SPAG16: variants seen among roughly 807,000 people sequenced by gnomAD.
The protein encoded by SPAG16 is sperm-associated antigen 16 protein.
In SPAG16, 86 loss-of-function variants were observed where a neutral mutation model predicts 80.4. The ratio of observed to expected loss-of-function variants is 1.07; its 90% CI spans 0.90 to 1.28. The LOEUF (loss-of-function observed/expected upper bound fraction) is 1.28. Ranked by LOEUF, SPAG16 falls within the 50% of genes most tolerant of loss-of-function variation. The probability of loss-of-function intolerance (pLI) is 0.00; values close to 1 mark genes in which losing one functional copy is unlikely to be tolerated. For missense variants in SPAG16, 870 were observed against 765.3 expected, an observed-to-expected ratio of 1.14 and a Z score of -1.61; for synonymous variants, 294 against 265.9, an observed-to-expected ratio of 1.11 and a Z score of -1.03.
At chr2:213,855,022 G>A (rs187069926) in intron 10 of SPAG16, among the ~76,000 whole-genome samples, 20 of 152,314 alleles carry the variant, frequency 1.3e-4, no homozygotes, top group Admixed American at 1.0e-3. Flanking sequence ...TTACTCTCTG[G>A]TCCTTTTCAG....
At chr2:214,285,566 T>C (rs6435821) in intron 15 of SPAG16, among the ~76,000 whole-genome samples, 64,075 of 151,996 alleles carry the variant, frequency 0.42, 15,567 homozygotes, top group South Asian at 0.58. Context: ...CCTAGCACAT[T>C]GGGAGGCCGA....
At chr2:213,706,766 C>T (rs1002176882) in intron 10 of SPAG16, among the ~76,000 whole-genome samples, 1 of 152,154 alleles carries the variant, frequency 6.6e-6, no homozygotes, top group African/African-American at 2.4e-5. Flanking sequence ...GGGTCCACAA[C>T]TCCAGAGTGG....
At position 214,021,761 on chromosome 2, in the gene SPAG16, G is replaced by T. The variant is rs538826188; in HGVS notation, c.1527+7684G>T. 3.8e-4 allele frequency among the ~76,000 whole-genome samples: 58 copies of T among 152,122 alleles called. No homozygotes were observed. The East Asian group carries it at 4.4e-3, about 12-fold the overall frequency. ...TGTTACACCTTGCTTTGAACACCTT[G>T]GTTCAAAGACCTTCATGTTGCACAA... On this transcript the variant is annotated intron_variant, in intron 13 of 15. Coordinates refer to ENST00000331683, the MANE Select transcript of SPAG16 (RefSeq NM_024532.5).
chr2:214,104,080 C>T (rs1343052254), intron 13 of SPAG16, among the ~76,000 whole-genome samples: 1 of 152,120 alleles, frequency 6.6e-6, no homozygotes. Flanking sequence ...GAAAGAATGC[C>T]TCAGGGTGAG....
rs374274176 is a variant in SPAG16, at chr2:213,980,725, T to TATAGAGAGAGAG, written c.1401-33225_1401-33224insTAGAGAGAGAGA. Among the ~76,000 whole-genome samples the TATAGAGAGAGAG allele has an allele frequency of 5.3e-4, 55 of 103,988 alleles. 1 individual carries two copies. The highest frequency in any genetic ancestry group is 4.5e-3 in the South Asian group (12 of 2,686). The allele number at this position is 103,988 out of a possible 152,430, so 68.2% of individuals were successfully genotyped here. A position where few individuals can be genotyped will look rare whatever the true frequency, so the allele number is the denominator to read the frequency against. On this transcript the variant is annotated intron_variant, in intron 12 of 15. Transcript: ENST00000331683. ...GTGTGTGTGTGTGTATATATATATA[T>TATAGAGAGAGAG]AGAGAGAGAGAGAGAGAGAGAGAGA...
intron 15 of SPAG16, among the ~76,000 whole-genome samples, chr2:214,404,248 AAG>A (rs1469076210): frequency 6.6e-6 from 1 of 152,220 alleles, no homozygotes; most frequent in Non-Finnish European, 1.5e-5. Flanking sequence ...AATAGTAAAA[AAG>A]AGCACTGATT....
intron 10 of SPAG16, among the ~76,000 whole-genome samples, chr2:213,743,113 G>A (rs751770555): frequency 9.0e-6 from 1 of 111,340 alleles, no homozygotes; most frequent in Non-Finnish European, 2.2e-5. Context: ...CTGTGTTAGC[G>A]AGGATGGTCT....
chr2:214,019,409 G>T (rs182622977), intron 13 of SPAG16, among the ~76,000 whole-genome samples: 19 of 152,218 alleles, frequency 1.2e-4, no homozygotes, highest in Admixed American at 8.5e-4. Flanking sequence ...TTTGTCTCTT[G>T]CCATGAGTCA....
chr2:213,388,537 T>A (rs2067570331), intron 9 of SPAG16, among the ~76,000 whole-genome samples: 1 of 152,144 alleles, frequency 6.6e-6, no homozygotes, highest in Admixed American at 6.5e-5. Flanking sequence ...AGGTTACTGA[T>A]CCTTGACCAG....
chr2:213,781,695 G>C (rs1575120398), intron 10 of SPAG16, among the ~76,000 whole-genome samples: 1 of 152,106 alleles, frequency 6.6e-6, no homozygotes, highest in African/African-American at 2.4e-5. Context: ...TGTGCACTGG[G>C]TAAATTTTCT....
chr2:213,652,999 C>T (rs888123554), intron 10 of SPAG16, among the ~76,000 whole-genome samples: 1 of 152,074 alleles, frequency 6.6e-6, no homozygotes, highest in Non-Finnish European at 1.5e-5. Context: ...ATCTGTTATA[C>T]CTGGGCCATC....
chr2:213,789,596 C>A (rs1161892093), intron 10 of SPAG16, among the ~76,000 whole-genome samples: 1 of 151,886 alleles, frequency 6.6e-6, no homozygotes, highest in Non-Finnish European at 1.5e-5. Context: ...ACCATTCCAG[C>A]ACAACATTCA....
At chr2:214,102,977 C>T (rs1001821329) in intron 13 of SPAG16, among the ~76,000 whole-genome samples, 6 of 152,058 alleles carry the variant, frequency 3.9e-5, no homozygotes, top group African/African-American at 9.7e-5. Flanking sequence ...CATGATTCTT[C>T]GCGTAGGGTG....
chr2:213,773,155 T>C (rs1337744964), intron 10 of SPAG16, among the ~76,000 whole-genome samples: 2 of 152,232 alleles, frequency 1.3e-5, no homozygotes, highest in East Asian at 3.9e-4. Context: ...TTTAATTTAG[T>C]GTCTTATAAT....
Position 214,284,707 on chromosome 2 carries a change from G to A in SPAG16, c.1721-125433G>A, listed in dbSNP as rs537926777. ...ATTGGTGCATTCATTAGGTAAGAAA[G>A]TCTTTTAGTTTTTCCAATCTAGTCA... On this transcript the variant is annotated intron_variant, in intron 15 of 15. Coordinates refer to ENST00000331683, the MANE Select transcript of SPAG16 (RefSeq NM_024532.5). Among the ~76,000 whole-genome samples, 3 of 152,224 alleles carry A rather than the reference G, an allele frequency of 2.0e-5. No homozygotes were observed. The East Asian group carries it at 5.8e-4, about 29-fold the overall frequency.
rs1336847662 is a variant in SPAG16, at chr2:214,120,069, C to T, written c.1593+11808C>T. On this transcript the variant is annotated intron_variant, in intron 14 of 15. Coordinates refer to ENST00000331683, the MANE Select transcript of SPAG16 (RefSeq NM_024532.5). ...GTCTTCTCAATATGAGCACTTTTGT[C>T]TTTCTACAATGCTGGAAATTTTTCA... Among the ~76,000 whole-genome samples, 5 of 151,672 alleles carry T rather than the reference C, an allele frequency of 3.3e-5. 1 individual carries two copies. The highest frequency in any genetic ancestry group is 1.2e-4 in the African/African-American group (5 of 41,360).
At chr2:214,194,910 T>G (rs1311732165) in intron 15 of SPAG16, among the ~76,000 whole-genome samples, 1 of 152,116 alleles carries the variant, frequency 6.6e-6, no homozygotes, top group Admixed American at 6.6e-5. Context: ...AGCATCCATA[T>G]GTGGTAGCCA....
intron 15 of SPAG16, among the ~76,000 whole-genome samples, chr2:214,342,713 T>C (rs1912221): frequency 0.48 from 72,877 of 152,002 alleles, 21,466 homozygotes; most frequent in South Asian, 0.66. Flanking sequence ...AGTGGAAAAA[T>C]TGTCTTCTGT....
At chr2:214,199,414 A>G (rs762172645) in intron 15 of SPAG16, among the ~76,000 whole-genome samples, 1 of 151,994 alleles carries the variant, frequency 6.6e-6, no homozygotes, top group Non-Finnish European at 1.5e-5. Flanking sequence ...GTTGGCTATA[A>G]GTATTTGGCT....
Sources: allele counts gnomAD v4.1 joint callset (sites outside exome capture counted in the v4.1 genomes callset), GRCh38; gene constraint gnomAD v4.1.1; transcripts MANE v1.5; gene names NCBI Gene and HGNC (gene_info 2026-07-23, HGNC 2026-07-21).